The following RABGAP1L variants were observed in gnomAD, a reference collection of about 807,000 sequenced individuals.
The protein encoded by RABGAP1L is rab GTPase-activating protein 1-like.
A neutral mutation model predicts 137.7 loss-of-function variants in RABGAP1L; 63 were observed. That is an observed-to-expected ratio of 0.46 (90% confidence interval 0.37 to 0.56). RABGAP1L has a LOEUF of 0.56. RABGAP1L is among the 20% of genes least tolerant of loss of function. The pLI is 0.00. For synonymous variants in RABGAP1L, 431 were observed against 433.7 expected (o/e 0.99, Z 0.08); for missense variants, 1,095 against 1,244.0 (o/e 0.88, Z 1.80).
chr1:174,520,481 A>G (rs538290271), intron 13 of RABGAP1L, among the ~76,000 whole-genome samples: 70 of 152,320 alleles, frequency 4.6e-4, no homozygotes, highest in African/African-American at 1.6e-3. Flanking sequence ...ATATAAACTG[A>G]ATTGTTTTTA....
At chr1:174,851,872 G>T (rs182136955) in intron 19 of RABGAP1L, among the ~76,000 whole-genome samples, 4 of 152,070 alleles carry the variant, frequency 2.6e-5, no homozygotes, top group East Asian at 3.9e-4. Flanking sequence ...AAATTCCTGG[G>T]TTTATGTGAC....
intron 1 of RABGAP1L, among the ~76,000 whole-genome samples, chr1:174,189,800 C>G (rs962236174): frequency 3.3e-5 from 5 of 152,140 alleles, no homozygotes; most frequent in Non-Finnish European, 5.9e-5. Context: ...GAGACTCTGT[C>G]TCTACAAAAA....
At chr1:174,490,970 G>A (rs964511277) in intron 13 of RABGAP1L, among the ~76,000 whole-genome samples, 3 of 152,046 alleles carry the variant, frequency 2.0e-5, no homozygotes, top group Non-Finnish European at 4.4e-5. Context: ...CAGGGTGGTG[G>A]GCTCCCCTCT....
At chr1:174,646,315 G>T (rs1443293382) in intron 14 of RABGAP1L, among the ~76,000 whole-genome samples, 1 of 152,008 alleles carries the variant, frequency 6.6e-6, no homozygotes, top group African/African-American at 2.4e-5. Context: ...GTATTGCCTA[G>T]GTTTTCTTCT....
intron 19 of RABGAP1L, chr1:174,892,746 T>C (rs1656408324): frequency 1.8e-5 from 8 of 451,720 alleles, no homozygotes; most frequent in Non-Finnish European, 3.4e-5. Flanking sequence ...TTTTTTTTTT[T>C]GTGATGGAGT....
intron 19 of RABGAP1L, among the ~76,000 whole-genome samples, chr1:174,881,794 C>A (rs2149089789): frequency 6.6e-6 from 1 of 152,200 alleles, no homozygotes; most frequent in Admixed American, 6.5e-5. Context: ...GCCACCATAC[C>A]TGGCCTCATT....
chr1:174,886,961 C>T (rs538607122), intron 19 of RABGAP1L, among the ~76,000 whole-genome samples: 5 of 152,244 alleles, frequency 3.3e-5, no homozygotes, highest in African/African-American at 1.2e-4. Context: ...CATGTGCCAC[C>T]ACGCCCAGCT....
At chr1:174,577,264 CAT>C (rs1443482615) in intron 13 of RABGAP1L, among the ~76,000 whole-genome samples, 10 of 113,874 alleles carry the variant, frequency 8.8e-5, no homozygotes, top group African/African-American at 3.2e-4. Flanking sequence ...CACACACACA[CAT>C]TGAGAGTCAG....
rs1240701291 is a variant in RABGAP1L, at chr1:174,448,771, C to T, written c.1710+54626C>T. On this transcript the variant is annotated intron_variant, in intron 13 of 25. Transcript: ENST00000681986. The surrounding 1 kb of genome is among the most constrained non-coding windows in gnomAD (Gnocchi z 4.2). Reference sequence around the variant, plus strand: ...ATGCTCCTGCTGCCTTTGTTGTCTGCTTCACTTACTTCCACATTTTCAAAA... The same window carrying T: ...ATGCTCCTGCTGCCTTTGTTGTCTGTTTCACTTACTTCCACATTTTCAAAA... The T allele has an allele frequency of 8.1e-6, 13 of 1,613,642 alleles. No individual in the cohort carries two copies. Among genetic ancestry groups the T allele is most frequent in the Admixed American group, 1.7e-5 (1 of 59,994 alleles).
intron 13 of RABGAP1L, among the ~76,000 whole-genome samples, chr1:174,406,819 AG>A (rs1649337491): frequency 1.3e-5 from 2 of 152,118 alleles, no homozygotes; most frequent in Non-Finnish European, 2.9e-5. Flanking sequence ...CTGAAGTGGG[AG>A]GATCACTTGA....
chr1:174,580,708 CA>C (rs1192011213), intron 13 of RABGAP1L, among the ~76,000 whole-genome samples: 2 of 151,866 alleles, frequency 1.3e-5, no homozygotes, highest in Non-Finnish European at 2.9e-5. Context: ...TGCAGCGCAC[CA>C]ACATGGCACA....
chr1:174,746,980 A>G (rs532343613), intron 17 of RABGAP1L, among the ~76,000 whole-genome samples: 1 of 152,356 alleles, frequency 6.6e-6, no homozygotes, highest in East Asian at 1.9e-4. Flanking sequence ...TTTACTCTTA[A>G]TAATTCTCCA....
intron 19 of RABGAP1L, among the ~76,000 whole-genome samples, chr1:174,829,661 T>G (rs995036915): frequency 1.3e-5 from 2 of 148,578 alleles, no homozygotes; most frequent in African/African-American, 2.5e-5. Flanking sequence ...CCACAGACTT[T>G]AAAACAGAGT....
chr1:174,763,584 G>C lies in RABGAP1L; in HGVS notation c.2211+11230G>C, dbSNP rs539839397. Among the ~76,000 whole-genome samples the C allele has an allele frequency of 9.0e-5, 13 of 145,134 alleles. No individual in the cohort carries two copies. The South Asian group carries it at 2.9e-3, about 32-fold the overall frequency. On this transcript the variant is annotated intron_variant, in intron 18 of 25. Transcript: ENST00000681986. ...GAGAATGGCGTGAACCTGGGAGGCG[G>C]AGCTTGCAGTGAGCCAAGATCGCGC...
intron 17 of RABGAP1L, among the ~76,000 whole-genome samples, chr1:174,711,726 C>T (rs770856223): frequency 2.0e-5 from 3 of 152,244 alleles, no homozygotes; most frequent in Admixed American, 6.5e-5. Context: ...GCCTCCCTGA[C>T]TGGCACTGCC....
chr1:174,572,439 G>A (rs1258931740), intron 13 of RABGAP1L, among the ~76,000 whole-genome samples: 1 of 152,152 alleles, frequency 6.6e-6, no homozygotes, highest in Admixed American at 6.5e-5. Flanking sequence ...AGGCTGGAGT[G>A]CAGTGGTACA....
intron 10 of RABGAP1L, among the ~76,000 whole-genome samples, chr1:174,289,719 G>C (rs1267500465): frequency 2.6e-5 from 4 of 152,188 alleles, no homozygotes; most frequent in Non-Finnish European, 4.4e-5. Flanking sequence ...TGGGGTCTCT[G>C]ATCTGGTGGG....
chr1:174,231,400 GGGT>G, intron 4 of RABGAP1L, 45 bp downstream of exon 4: 1 of 1,546,418 alleles, frequency 6.5e-7, no homozygotes. Flanking sequence ...TAAGTCTTTT[GGGT>G]GGTGGTGAAG....
At chr1:174,924,792 C>T (rs986461533) in intron 19 of RABGAP1L, among the ~76,000 whole-genome samples, 2 of 152,078 alleles carry the variant, frequency 1.3e-5, no homozygotes, top group African/African-American at 4.8e-5. Flanking sequence ...CTATTACAGA[C>T]CCCGAGAATT....
Sources: gnomAD v4.1 joint callset for allele counts (sites outside exome capture counted in the v4.1 genomes callset) on GRCh38, gnomAD v4.1.1 for gene constraint, Gnocchi (gnomAD v3.1) non-coding constraint, MANE v1.5 for transcripts, NCBI Gene and HGNC (gene_info 2026-07-23, HGNC 2026-07-21) for gene names.